The following ZNF780B variants were observed in gnomAD, a reference collection of about 807,000 sequenced individuals.
ZNF780B encodes the protein zinc finger protein 780B, also known as zinc finger protein 779.
Under a neutral mutation model 74.1 loss-of-function variants are expected in ZNF780B, and 52 were observed. The observed-to-expected ratio is 0.70, with a 90% CI of 0.56 to 0.88. The LOEUF is 0.88. Among genes scored for constraint, ZNF780B ranks in the 40% least tolerant of loss-of-function variants. The probability of loss-of-function intolerance (pLI) is 0.00; values close to 1 mark genes in which losing one functional copy is unlikely to be tolerated. For missense variants in ZNF780B, 953 were observed against 1,007.6 expected, an observed-to-expected ratio of 0.95 and a Z score of 0.73; for synonymous variants, 315 against 324.3, an observed-to-expected ratio of 0.97 and a Z score of 0.31.
At chr19:40,050,506 C>T in intron 1 of ZNF780B, 129 bp from the exon 2 acceptor site, 2 of 917,460 alleles carry the variant, frequency 2.2e-6, no homozygotes, top group Non-Finnish European at 3.3e-6. Context: ...CCACCCTTCT[C>T]CCGTCACTCC....
intron 1 of ZNF780B, among the ~76,000 whole-genome samples, chr19:40,054,045 C>T (rs1188928497): frequency 6.6e-6 from 1 of 152,120 alleles, no homozygotes; most frequent in Admixed American, 6.5e-5. Context: ...CCCAGCTACT[C>T]GGAAGGCTGG....
At chr19:40,042,606 T>A (rs1972701685) in intron 4 of ZNF780B, among the ~76,000 whole-genome samples, 1 of 152,230 alleles carries the variant, frequency 6.6e-6, no homozygotes, top group African/African-American at 2.4e-5. Context: ...CATTTCTTTT[T>A]ATTCTTTTTT....
Position 40,035,240 on chromosome 19 carries a change from A to T in ZNF780B, c.1619T>A (p.Leu540His). 1.2e-6 allele frequency: 2 copies of T among 1,613,172 alleles called. No homozygotes were observed. The highest frequency in any genetic ancestry group is 1.7e-6 in the Non-Finnish European group (2 of 1,179,728). The change falls in exon 5 of 5, where the codon CTT becomes CAT. Residue 540 changes from leucine to histidine, a missense_variant. Leu to His is a moderately conservative substitution (Grantham distance 99). Transcript: ENST00000434248. ...CTCATGTTGAGAAAGTTGTAGGTGA[A>T]GTCTAAAAGCCTTCCCACACTCCTT... ...ECKECGKAFR[L>H]HLQLSQHEKT...
Position 40,035,702 on chromosome 19 carries a change from T to C in ZNF780B, c.1157A>G (p.Glu386Gly). Residue 386 changes from glutamate to glycine, a missense_variant, in exon 5 of 5, where the codon GAA (glutamate) becomes GGA (glycine). Coordinates refer to ENST00000434248, the MANE Select transcript of ZNF780B (RefSeq NM_001005851.3). ...LNRHKNIHTG[E>G]KPFECKECGK... Reference sequence around the variant, plus strand: ...ACATTCTTTACATTCAAATGGTTTTTCACCTGTGTGAATATTCTTATGGCG... The same window carrying C: ...ACATTCTTTACATTCAAATGGTTTTCCACCTGTGTGAATATTCTTATGGCG... 6.2e-7 allele frequency: 1 copy of C among 1,614,154 alleles called. No individual in the cohort carries two copies. The highest frequency in any genetic ancestry group is 8.5e-7 in the Non-Finnish European group (1 of 1,180,024).
intron 4 of ZNF780B, among the ~76,000 whole-genome samples, chr19:40,046,706 T>C (rs1972946986): frequency 6.6e-6 from 1 of 152,244 alleles, no homozygotes; most frequent in Non-Finnish European, 1.5e-5. Flanking sequence ...TTCATTTGCT[T>C]ACTTGTTTGA....
chr19:40,034,309 G>T lies in ZNF780B; in HGVS notation c.*48C>A. 7.1e-7 allele frequency: 1 copy of T among 1,414,992 alleles called. No homozygotes were observed. The highest frequency in any genetic ancestry group is 9.7e-7 in the Non-Finnish European group (1 of 1,026,612). 87.7% of individuals were successfully genotyped at this position (1,414,992 alleles called of 1,614,324 possible). A position where few individuals can be genotyped will look rare whatever the true frequency, so the allele number is the denominator to read the frequency against. ...TGAAATCTATAATGTCCATGAAATT[G>T]GTAATGATATTGAAAGGCCTTCCCA... On this transcript the variant is annotated 3_prime_UTR_variant, in exon 5 of 5. Coordinates refer to ENST00000434248, the MANE Select transcript of ZNF780B (RefSeq NM_001005851.3).
rs1209887945 is a variant in ZNF780B at position 40,031,877 on chromosome 19, T to C, written c.*2480A>G. 3 of 303,382 alleles carry C rather than the reference T, an allele frequency of 9.9e-6. No homozygotes were observed. The highest frequency in any genetic ancestry group is 2.0e-5 in the Non-Finnish European group (3 of 151,818). 18.8% of individuals were successfully genotyped at this position (303,382 alleles called of 1,614,324 possible). ...TACTTACCCACTACAAACTAAATCT[T>C]TACAATGGACTTACGGCGGTTACCA... On this transcript the variant is annotated 3_prime_UTR_variant, in exon 5 of 5. Transcript: ENST00000434248.
At position 40,035,477 on chromosome 19, in the gene ZNF780B, A is replaced by G; in HGVS notation, c.1382T>C (p.Ile461Thr). 6.2e-7 allele frequency: 1 copy of G among 1,614,162 alleles called. No individual in the cohort carries two copies. Residue 461 changes from isoleucine (I) to threonine (T), a missense_variant, in exon 5 of 5, where the codon ATT becomes ACT. Transcript: ENST00000434248. ...ACCAGTATGAATTTGGCAATGTTGA[A>G]TAAGTTGGTAATGATATCGAAAGGC... The part of the protein sequence containing the change: ...EMAFRYHYQL[I>T]QHCQIHTGGK...
chr19:40,042,801 G>A (rs1043367923), intron 4 of ZNF780B, among the ~76,000 whole-genome samples: 5 of 151,482 alleles, frequency 3.3e-5, no homozygotes, highest in South Asian at 2.1e-4. Context: ...TTATCCATTC[G>A]TCTAATTTTT....
At chr19:40,052,741 C>G (rs1973289989) in intron 1 of ZNF780B, among the ~76,000 whole-genome samples, 1 of 151,974 alleles carries the variant, frequency 6.6e-6, no homozygotes, top group African/African-American at 2.4e-5. Context: ...AAACAGACAC[C>G]TAGACAAACG....
At chr19:40,048,638 G>T in intron 3 of ZNF780B, 32 bp downstream of exon 3, 1 of 1,614,076 alleles carries the variant, frequency 6.2e-7, no homozygotes. Flanking sequence ...CCAGAGAACA[G>T]ATACAAAAAT....
chr19:40,050,526 T>C (rs1362487627), intron 1 of ZNF780B, 149 bp from the exon 2 acceptor site: 4 of 840,502 alleles, frequency 4.8e-6, no homozygotes, highest in Non-Finnish European at 7.3e-6. Context: ...CCTTTTTCCC[T>C]ACACACACTC....
At position 40,034,815 on chromosome 19, in the gene ZNF780B, A is replaced by C; in HGVS notation, c.2044T>G (p.Ser682Ala). The C allele has an allele frequency of 6.2e-7, 1 of 1,613,446 alleles. No individual in the cohort carries two copies. The highest frequency in any genetic ancestry group is 1.7e-5 in the Admixed American group (1 of 59,962). ...GTTTTCTGATGCTGAATAAGGTTTG[A>C]AACACGACTAAAGCCTTTCCCACAC... ...KECGKGFSRV[S>A]NLIQHQKTHS... The change falls in exon 5 of 5, where the codon TCA (serine) becomes GCA (alanine). Residue 682 changes from serine to alanine, a missense_variant. Coordinates refer to ENST00000434248, the MANE Select transcript of ZNF780B (RefSeq NM_001005851.3).
At chr19:40,037,837 A>G (rs1269597873) in intron 4 of ZNF780B, among the ~76,000 whole-genome samples, 1 of 149,446 alleles carries the variant, frequency 6.7e-6, no homozygotes, top group Non-Finnish European at 1.5e-5. Flanking sequence ...TCTTCCAAGA[A>G]TCGTCTGGCT....
intron 4 of ZNF780B, among the ~76,000 whole-genome samples, chr19:40,038,442 G>A (rs1360458795): frequency 6.6e-6 from 1 of 151,700 alleles, no homozygotes; most frequent in African/African-American, 2.4e-5. Flanking sequence ...TAATGGGATG[G>A]CTGGGTCAAA....
Position 40,036,285 on chromosome 19 carries a change from G to T in ZNF780B, c.574C>A (p.Pro192Thr). The T allele has an allele frequency of 6.2e-7, 1 of 1,613,276 alleles. No homozygotes were observed. The highest frequency in any genetic ancestry group is 2.2e-5 in the East Asian group (1 of 44,860). Residue 192 changes from proline (P) to threonine (T), a missense_variant, in exon 5 of 5, where the codon CCC (proline) becomes ACC (threonine). Transcript: ENST00000434248. Reference sequence around the variant, plus strand: ...TTCCCACATTCTTTGCATTTATAGGGTTTCTCTCCAGTATGAATACTCTGA... The same window carrying T: ...TTCCCACATTCTTTGCATTTATAGGTTTTCTCTCCAGTATGAATACTCTGA... ...QHQSIHTGEKPYKCKECGKAF... is the reference protein window; with the variant it reads ...QHQSIHTGEKTYKCKECGKAF...
intron 4 of ZNF780B, among the ~76,000 whole-genome samples, chr19:40,045,151 C>T (rs60925154): frequency 1.6e-3 from 242 of 152,166 alleles, no homozygotes; most frequent in African/African-American, 5.7e-3. Flanking sequence ...GAGAATATAA[C>T]AATTCTAAAC....
chr19:40,043,006 C>T (rs1465101778), intron 4 of ZNF780B, among the ~76,000 whole-genome samples: 2 of 152,284 alleles, frequency 1.3e-5, no homozygotes, highest in Admixed American at 6.5e-5. Flanking sequence ...AGTTTTTCTG[C>T]TCTGTTTTTT....
chr19:40,034,435 AG>A lies in ZNF780B; in HGVS notation c.2423del (p.Pro808LeufsTer2), dbSNP rs1972132027. 11 of 1,614,032 alleles carry A rather than the reference AG, an allele frequency of 6.8e-6. No individual in the cohort carries two copies. The East Asian group carries it at 1.1e-4, about 16-fold the overall frequency. On this transcript the variant is annotated frameshift_variant, in exon 5 of 5. Transcript: ENST00000434248. LOFTEE classifies it high-confidence loss of function. ...GCTGTCCCACATTTCTTACATTCAAAGGGTTTCTCACCTGTACAAGTTTTTG... is the reference window on the plus strand; with the variant it reads ...GCTGTCCCACATTTCTTACATTCAAAGGTTTCTCACCTGTACAAGTTTTTG... ...LHQKLVQVRN[P>X]LNVRNVGQPS... is the part of the protein sequence containing the mutation.
Sources: gnomAD v4.1 joint callset for allele counts (sites outside exome capture counted in the v4.1 genomes callset) on GRCh38, gnomAD v4.1.1 for gene constraint, MANE v1.5 for transcripts, NCBI Gene and HGNC (gene_info 2026-07-23, HGNC 2026-07-21) for gene names.